The following CHCHD3 variants were observed in gnomAD, a reference collection of about 807,000 sequenced individuals.
The protein encoded by CHCHD3 is MICOS complex subunit MIC19.
Under a neutral mutation model 38.2 loss-of-function variants are expected in CHCHD3, and 20 were observed. The ratio of observed to expected loss-of-function variants is 0.52; its 90% CI spans 0.37 to 0.76. The LOEUF is 0.76. Ranked by LOEUF, CHCHD3 falls within the 30% of genes least tolerant of loss-of-function variation. CHCHD3 has a pLI of 0.00. For synonymous variants in CHCHD3, 82 were observed against 100.0 expected, an observed-to-expected ratio of 0.82 and a Z score of 1.07; for missense variants, 245 against 279.2, an observed-to-expected ratio of 0.88 and a Z score of 0.87.
intron 6 of CHCHD3, among the ~76,000 whole-genome samples, chr7:132,806,770 G>T (rs913529164): frequency 3.3e-5 from 5 of 151,916 alleles, no homozygotes; most frequent in Admixed American, 6.6e-5. Flanking sequence ...GACACATTCT[G>T]CAAGCAGACC....
intron 3 of CHCHD3, among the ~76,000 whole-genome samples, chr7:133,010,809 C>A (rs1812848722): frequency 6.6e-6 from 1 of 152,078 alleles, no homozygotes; most frequent in Non-Finnish European, 1.5e-5. Flanking sequence ...GAACTCCTGA[C>A]CTCAGGTGAT....
intron 6 of CHCHD3, among the ~76,000 whole-genome samples, chr7:132,830,018 T>C (rs765773053): frequency 1.6e-4 from 24 of 152,192 alleles, no homozygotes; most frequent in Admixed American, 2.6e-4. Context: ...TTAATGTTTC[T>C]TGACATTTAC....
intron 4 of CHCHD3, among the ~76,000 whole-genome samples, chr7:132,915,298 G>A (rs181288874): frequency 6.6e-6 from 1 of 152,248 alleles, no homozygotes; most frequent in African/African-American, 2.4e-5. Context: ...GGACAACTGG[G>A]AAACACCTTA....
chr7:133,038,233 T>A (rs1186865012), intron 2 of CHCHD3, among the ~76,000 whole-genome samples: 3 of 152,154 alleles, frequency 2.0e-5, no homozygotes, highest in Non-Finnish European at 1.5e-5. Context: ...TCTTAAAAGG[T>A]AAATTACAAT....
chr7:132,857,807 C>T (rs1023303832), intron 5 of CHCHD3, among the ~76,000 whole-genome samples: 1 of 152,232 alleles, frequency 6.6e-6, no homozygotes, highest in Non-Finnish European at 1.5e-5. Flanking sequence ...CTCAATCCCA[C>T]TGGGTCTGGT....
chr7:132,811,706 C>G lies in CHCHD3; in HGVS notation c.525-15129G>C, dbSNP rs190153681. Reference sequence around the variant, plus strand: ...CACAGACTTGTTCCAGTAAATTGCCCCTTTCTTGAAAAGAGTTTCTTGGCT... The same window carrying G: ...CACAGACTTGTTCCAGTAAATTGCCGCTTTCTTGAAAAGAGTTTCTTGGCT... On this transcript the variant is annotated intron_variant, in intron 6 of 7. Coordinates refer to ENST00000262570, the MANE Select transcript of CHCHD3 (RefSeq NM_017812.4). Among the ~76,000 whole-genome samples, 479 of 152,272 alleles carry G rather than the reference C, an allele frequency of 3.1e-3. 1 individual carries two copies. Among genetic ancestry groups the G allele is most frequent in the South Asian group, 0.018 (87 of 4,826 alleles).
intron 4 of CHCHD3, among the ~76,000 whole-genome samples, chr7:132,931,061 C>T (rs1810502043): frequency 6.6e-6 from 1 of 152,184 alleles, no homozygotes; most frequent in African/African-American, 2.4e-5. Flanking sequence ...TAATACAGCA[C>T]TCACCACATA....
intron 4 of CHCHD3, among the ~76,000 whole-genome samples, chr7:132,921,553 A>G (rs1168890036): frequency 6.6e-6 from 1 of 152,186 alleles, no homozygotes; most frequent in Admixed American, 6.5e-5. Context: ...AACAATCCCA[A>G]TTGATAGGTA....
At chr7:132,943,512 C>T (rs2117274526) in intron 4 of CHCHD3, among the ~76,000 whole-genome samples, 1 of 152,148 alleles carries the variant, frequency 6.6e-6, no homozygotes, top group East Asian at 1.9e-4. Context: ...ACTGGCAAAA[C>T]TGTTTAGAAA....
intron 5 of CHCHD3, among the ~76,000 whole-genome samples, chr7:132,866,798 A>T (rs1808636915): frequency 6.6e-6 from 1 of 152,206 alleles, no homozygotes; most frequent in African/African-American, 2.4e-5. Flanking sequence ...TTGAAAAGCA[A>T]ACCTGGCACT....
At chr7:133,033,731 G>C (rs1813569200) in intron 2 of CHCHD3, among the ~76,000 whole-genome samples, 1 of 152,070 alleles carries the variant, frequency 6.6e-6, no homozygotes, top group Non-Finnish European at 1.5e-5. Flanking sequence ...AACATGACTA[G>C]CTTTCTCTAG....
intron 4 of CHCHD3, among the ~76,000 whole-genome samples, chr7:132,971,582 G>A (rs1811613203): frequency 6.6e-6 from 1 of 152,116 alleles, no homozygotes; most frequent in Admixed American, 6.5e-5. Flanking sequence ...CATCTAAGGA[G>A]ACAGAAACCT....
intron 2 of CHCHD3, among the ~76,000 whole-genome samples, chr7:133,065,273 C>A (rs527728005): frequency 6.6e-6 from 1 of 151,826 alleles, no homozygotes; most frequent in Non-Finnish European, 1.5e-5. Context: ...GCTTTACATG[C>A]GAATACTTAC....
chr7:132,791,898 G>C (rs1229810009), intron 7 of CHCHD3, among the ~76,000 whole-genome samples: 1 of 152,154 alleles, frequency 6.6e-6, no homozygotes, highest in Non-Finnish European at 1.5e-5. Context: ...GTTCCTTTCT[G>C]ATCTCTCCAA....
chr7:132,894,905 C>A (rs1272752099), intron 4 of CHCHD3, among the ~76,000 whole-genome samples: 1 of 152,200 alleles, frequency 6.6e-6, no homozygotes, highest in Non-Finnish European at 1.5e-5. Context: ...AATCCAGGAG[C>A]AATCAGCAAG....
intron 5 of CHCHD3, among the ~76,000 whole-genome samples, chr7:132,877,171 GA>G (rs1808934050): frequency 6.6e-6 from 1 of 151,926 alleles, no homozygotes; most frequent in African/African-American, 2.4e-5. Flanking sequence ...GCTCACCCTA[GA>G]AAAAAAGTAA....
intron 6 of CHCHD3, among the ~76,000 whole-genome samples, chr7:132,835,520 A>T (rs1446805939): frequency 6.6e-6 from 1 of 152,178 alleles, no homozygotes; most frequent in Non-Finnish European, 1.5e-5. Flanking sequence ...AGCCATCATG[A>T]TGTCAACGTT....
intron 4 of CHCHD3, among the ~76,000 whole-genome samples, chr7:132,963,888 G>T (rs891987338): frequency 1.9e-4 from 29 of 152,030 alleles, no homozygotes; most frequent in Admixed American, 6.5e-4. Flanking sequence ...AATTATTCTT[G>T]GAAGTGGAAA....
At chr7:132,792,930 T>C (rs1006491589) in intron 7 of CHCHD3, among the ~76,000 whole-genome samples, 1 of 152,314 alleles carries the variant, frequency 6.6e-6, no homozygotes, top group Non-Finnish European at 1.5e-5. Context: ...CAACTCCCAA[T>C]GCAGCCCAAT....
Sources: allele counts gnomAD v4.1 joint callset (sites outside exome capture counted in the v4.1 genomes callset), GRCh38; gene constraint gnomAD v4.1.1; transcripts MANE v1.5; gene names NCBI Gene and HGNC (gene_info 2026-07-23, HGNC 2026-07-21).